The following ADGRF3 variants were observed in gnomAD, a reference collection of about 807,000 sequenced individuals.
The protein encoded by ADGRF3 is adhesion G protein-coupled receptor F3.
ADGRF3 carries 85 observed loss-of-function variants against 93.2 expected under a neutral mutation model. The observed-to-expected ratio is 0.91, with a 90% CI of 0.77 to 1.09. The LOEUF is 1.09. Among genes scored for constraint, ADGRF3 ranks in the 50% least tolerant of loss-of-function variants. The probability of loss-of-function intolerance (pLI) is 0.00; values close to 1 mark genes in which losing one functional copy is unlikely to be tolerated. For missense variants in ADGRF3, 1,125 were observed against 1,246.2 expected (o/e 0.90, Z 1.46); for synonymous variants, 534 against 532.5 (o/e 1.00, Z -0.04).
intron 1 of ADGRF3, 94 bp downstream of exon 1, chr2:26,346,027 G>A (rs1676715304): frequency 3.8e-6 from 5 of 1,307,494 alleles, no homozygotes; most frequent in Non-Finnish European, 5.2e-6. Flanking sequence ...CTCGATGGGC[G>A]GGGAGAAGCG....
At chr2:26,321,593 G>A (rs896275614) in intron 1 of ADGRF3, among the ~76,000 whole-genome samples, 2 of 152,128 alleles carry the variant, frequency 1.3e-5, no homozygotes, top group Non-Finnish European at 2.9e-5. Context: ...CCAGTTAGGA[G>A]AGGCAAGGAC....
chr2:26,317,366 A>G lies in ADGRF3; in HGVS notation c.181+130T>C, dbSNP rs1674793485. The G allele has an allele frequency of 3.5e-6, 3 of 863,676 alleles. No homozygotes were observed. The South Asian group carries it at 5.0e-5, about 14-fold the overall frequency. 53.5% of individuals were successfully genotyped at this position (863,676 alleles called of 1,614,324 possible). On this transcript the variant is annotated intron_variant, in intron 2 of 13. Transcript: ENST00000651242. The stretch of plus-strand genomic sequence containing the variant: ...GTCACAGACCTGTCCGACTGTGATC[A>G]GAGCCAGTCCTCTCTCTCCGCCACC...
intron 3 of ADGRF3, 129 bp from the exon 4 acceptor site, chr2:26,316,577 C>A: frequency 1.1e-6 from 1 of 945,476 alleles, no homozygotes; most frequent in Non-Finnish European, 1.6e-6. Context: ...GCTACAGGTG[C>A]CTCAGTCAGG....
chr2:26,341,126 C>T (rs1676374209), intron 1 of ADGRF3, among the ~76,000 whole-genome samples: 1 of 152,140 alleles, frequency 6.6e-6, no homozygotes, highest in African/African-American at 2.4e-5. Context: ...CGCCTGTAAT[C>T]CCAGCACTTT....
At chr2:26,315,902 G>A in intron 4 of ADGRF3, 162 bp from the exon 5 acceptor site, 2 of 1,086,262 alleles carry the variant, frequency 1.8e-6, no homozygotes, top group East Asian at 2.6e-5. Context: ...CCTGAATGTG[G>A]CTGCTGCAAT....
intron 5 of ADGRF3, among the ~76,000 whole-genome samples, chr2:26,315,031 A>AT (rs1674531324): frequency 6.6e-6 from 1 of 152,232 alleles, no homozygotes; most frequent in South Asian, 2.1e-4. Flanking sequence ...AAATAACTAC[A>AT]TTTTCCAAAA....
In ADGRF3 at chr2:26,310,914, G is replaced by A. The variant is rs753040627; in HGVS notation, c.2610C>T (p.Gly870=). The change falls in exon 10 of 14, where the codon GGC becomes GGT. Residue 870 remains glycine (G), a synonymous_variant. Transcript: ENST00000651242. ...CCATGGCTAGTACCAGCCCATTCAC[G>A]CCTATGATGGCCAGCACTGGCCCCA... ...TFVGPVLAII[G]VNGLVLAMAM... is the part of the protein sequence containing the mutation. The A allele has an allele frequency of 2.5e-6, 4 of 1,612,786 alleles. No individual in the cohort carries two copies. The highest frequency in any genetic ancestry group is 3.3e-5 in the Admixed American group (2 of 59,900).
chr2:26,346,069 A>C (rs909522605), intron 1 of ADGRF3, 52 bp downstream of exon 1: 2 of 1,515,910 alleles, frequency 1.3e-6, no homozygotes, highest in African/African-American at 1.4e-5. Context: ...GAGGCGGCCG[A>C]AGGGGCCGAG....
chr2:26,343,327 A>G (rs1676492802), intron 1 of ADGRF3, among the ~76,000 whole-genome samples: 1 of 152,238 alleles, frequency 6.6e-6, no homozygotes, highest in Admixed American at 6.5e-5. Context: ...GAGATGACTT[A>G]ATCTCAGAGA....
rs1456288467 is a variant in ADGRF3 at position 26,309,963 on chromosome 2, A to G, written c.2937+80T>C. The G allele has an allele frequency of 4.3e-6, 7 of 1,613,838 alleles. No homozygotes were observed. The highest frequency in any genetic ancestry group is 1.3e-5 in the African/African-American group (1 of 74,924). On this transcript the variant is annotated intron_variant, in intron 12 of 13. Coordinates refer to ENST00000651242, the MANE Select transcript of ADGRF3 (RefSeq NM_001321971.2). ...CTTCTCTCAGCTTCTGGCTGTGCCC[A>G]TGTCCTCTGAGGAGGGCCATGGAAT...
chr2:26,346,069 AAGGGGCCG>A (rs1181568007), intron 1 of ADGRF3, 44 bp downstream of exon 1: 2 of 1,515,796 alleles, frequency 1.3e-6, no homozygotes, highest in Non-Finnish European at 8.9e-7. Context: ...GAGGCGGCCG[AAGGGGCCG>A]AGGCGGCTAC....
At chr2:26,312,486 A>G (rs973161085) in intron 9 of ADGRF3, among the ~76,000 whole-genome samples, 2 of 152,220 alleles carry the variant, frequency 1.3e-5, no homozygotes, top group Non-Finnish European at 2.9e-5. Flanking sequence ...ATGTCTGTGC[A>G]TTCACACATG....
At chr2:26,340,683 C>T (rs558677797) in intron 1 of ADGRF3, among the ~76,000 whole-genome samples, 16 of 151,906 alleles carry the variant, frequency 1.1e-4, no homozygotes, top group South Asian at 2.1e-4. Context: ...GTTCTGCTTC[C>T]GTTTTAGTGG....
intron 1 of ADGRF3, among the ~76,000 whole-genome samples, chr2:26,321,398 A>G (rs1455487432): frequency 6.6e-6 from 1 of 152,144 alleles, no homozygotes. Context: ...AGATGGGCCA[A>G]GGGGATGTGG....
intron 6 of ADGRF3, 40 bp downstream of exon 6, chr2:26,314,374 C>T: frequency 6.4e-7 from 1 of 1,573,040 alleles, no homozygotes; most frequent in Non-Finnish European, 8.7e-7. Flanking sequence ...CAGCTGCCCC[C>T]TGGTCCCTCT....
chr2:26,309,511 A>G lies in ADGRF3; in HGVS notation c.2993+15T>C. On this transcript the variant is annotated intron_variant, in intron 13 of 13. Coordinates refer to ENST00000651242, the MANE Select transcript of ADGRF3 (RefSeq NM_001321971.2). ...CACCCTGCTTACGCTGCCCCTGAGA[A>G]AGCCTAGTTCTCACCTGGCAGTGTC... 1 of 1,610,274 alleles carries G rather than the reference A, an allele frequency of 6.2e-7. No individual in the cohort carries two copies.
At chr2:26,346,096 G>A (rs372407549) in intron 1 of ADGRF3, 25 bp downstream of exon 1, 4 of 1,555,370 alleles carry the variant, frequency 2.6e-6, no homozygotes, top group Non-Finnish European at 3.5e-6. Context: ...ACGCGTGCGC[G>A]GTGGGCGGAG....
chr2:26,328,714 A>T (rs963150596), intron 1 of ADGRF3, among the ~76,000 whole-genome samples: 1 of 152,170 alleles, frequency 6.6e-6, no homozygotes, highest in African/African-American at 2.4e-5. Flanking sequence ...AGCCTCCCAA[A>T]GTGCTGGGAT....
rs1489613529 is a variant in ADGRF3, at chr2:26,311,760, G to T, written c.1764C>A (p.Ser588Arg). The T allele has an allele frequency of 2.5e-6, 4 of 1,613,590 alleles. No homozygotes were observed. The highest frequency in any genetic ancestry group is 1.1e-5 in the South Asian group (1 of 90,980). Residue 588 changes from serine to arginine, a missense_variant, in exon 10 of 14, where the codon AGC becomes AGA. Physicochemically the swap from Ser to Arg is moderately radical, Grantham distance 110. Transcript: ENST00000651242. ...VRNGTEISIT[S>R]LVLRKLDHLL... Reference sequence around the variant, plus strand: ...GGTGGTCCAGTTTTCGCAGCACCAGGCTAGTAATACTTATTTCAGTTCCAT... The same window carrying T: ...GGTGGTCCAGTTTTCGCAGCACCAGTCTAGTAATACTTATTTCAGTTCCAT...
Sources: allele counts gnomAD v4.1 joint callset (sites outside exome capture counted in the v4.1 genomes callset), GRCh38; gene constraint gnomAD v4.1.1; transcripts MANE v1.5; gene names NCBI Gene and HGNC (gene_info 2026-07-23, HGNC 2026-07-21).